NUP210: variants seen among roughly 807,000 people sequenced by gnomAD.
The protein encoded by NUP210 is nuclear pore membrane glycoprotein 210.
A neutral mutation model predicts 196.0 loss-of-function variants in NUP210; 151 were observed. The observed-to-expected ratio is 0.77, with a 90% CI of 0.67 to 0.88. NUP210 has a LOEUF of 0.88. Among genes scored for constraint, NUP210 ranks in the 40% least tolerant of loss-of-function variants. The pLI is 0.00. For synonymous variants in NUP210, 1,070 were observed against 1,052.7 expected, an observed-to-expected ratio of 1.02 and a Z score of -0.32; for missense variants, 2,314 against 2,493.7, an observed-to-expected ratio of 0.93 and a Z score of 1.53.
In NUP210 at chr3:13,328,925, T is replaced by G. The variant is rs1347089075; in HGVS notation, c.4132A>C (p.Arg1378=). 2 of 1,613,952 alleles carry G rather than the reference T, an allele frequency of 1.2e-6. No homozygotes were observed. The highest frequency in any genetic ancestry group is 1.7e-6 in the Non-Finnish European group (2 of 1,179,940). Residue 1378 remains arginine, a synonymous_variant, in exon 31 of 40, where the codon AGG becomes CGG. Coordinates refer to ENST00000254508, the MANE Select transcript of NUP210 (RefSeq NM_024923.4). ...TGCAGGACAGGGCTCATGGAAACCC[T>G]CAGGTAGGAAACAGGGGATACCTAA... ...AVKVSPVSYL[R]VSMSPVLHTQ...
At position 13,378,943 on chromosome 3, in the gene NUP210, G is replaced by A. The variant is rs1699014321; in HGVS notation, c.1014C>T (p.Ser338=). 6.2e-7 allele frequency: 1 copy of A among 1,613,990 alleles called. No homozygotes were observed. Among genetic ancestry groups the A allele is most frequent in the Admixed American group, 1.7e-5 (1 of 59,996 alleles). ...ATCCAGGTTCGACCACGTAGATAGTGCTGTTGGGTAACCTAGAAGCACCTT... is the reference window on the plus strand; with the variant it reads ...ATCCAGGTTCGACCACGTAGATAGTACTGTTGGGTAACCTAGAAGCACCTT... ...RMQGASRLPN[S]TIYVVEPGYL... Residue 338 remains serine, a synonymous_variant, in exon 8 of 40, where the codon AGC becomes AGT. Transcript: ENST00000254508.
chr3:13,378,804 G>A, intron 8 of NUP210, 108 bp downstream of exon 8: 1 of 828,762 alleles, frequency 1.2e-6, no homozygotes, highest in Non-Finnish European at 2.1e-6. Context: ...TGGCAGAGCT[G>A]GCCAGAGGGA....
chr3:13,419,897 G>A (rs1484499641), intron 1 of NUP210, among the ~76,000 whole-genome samples, 163 bp downstream of exon 1: 1 of 150,896 alleles, frequency 6.6e-6, no homozygotes, highest in Non-Finnish European at 1.5e-5. Flanking sequence ...AGCAGTGGTG[G>A]CGACCCACGC....
In NUP210 at chr3:13,350,477, C is replaced by CA. The variant is rs71973199; in HGVS notation, c.2835+1401dup. On this transcript the variant is annotated intron_variant, in intron 20 of 39. Transcript: ENST00000254508. The surrounding 1 kb of genome is among the most constrained non-coding windows in gnomAD (Gnocchi z 4.1). ...CAAAACAAAACAAAACAAAACAAAA[C>CA]AAAAAACAAAACAAAACAGGAAAAC... Among the ~76,000 whole-genome samples the CA allele has an allele frequency of 3.5e-5, 2 of 57,260 alleles. No individual in the cohort carries two copies. Among genetic ancestry groups the CA allele is most frequent in the Non-Finnish European group, 8.6e-5 (2 of 23,256 alleles). The allele number at this position is 57,260 out of a possible 152,430, so 37.6% of individuals were successfully genotyped here.
intron 20 of NUP210, chr3:13,351,666 CT>C (rs11292029): frequency 0.48 from 208,806 of 434,184 alleles, 38,127 homozygotes; most frequent in African/African-American, 0.61. Flanking sequence ...TTTGATTTTT[CT>C]TTTTTTTTTT....
intron 6 of NUP210, among the ~76,000 whole-genome samples, chr3:13,382,891 T>C (rs1392283228): frequency 1.3e-5 from 2 of 152,104 alleles, no homozygotes; most frequent in Non-Finnish European, 2.9e-5. Flanking sequence ...ATGCCTATTA[T>C]TCCAGCACTT....
chr3:13,363,308 G>A (rs1698428782), intron 14 of NUP210, among the ~76,000 whole-genome samples: 1 of 152,190 alleles, frequency 6.6e-6, no homozygotes, highest in Non-Finnish European at 1.5e-5. Context: ...TTGATCCCAT[G>A]CTCTTACCCA....
Position 13,319,057 on chromosome 3 carries a change from AG to A in NUP210, c.5563+14del. Reference sequence around the variant, plus strand: ...AGCAGCTCTGCCTGGTTGTGCCTGCAGGGGGGCTACTCACAGTGGGGGCTGT... The same window carrying A: ...AGCAGCTCTGCCTGGTTGTGCCTGCAGGGGGCTACTCACAGTGGGGGCTGT... On this transcript the variant is annotated intron_variant, in intron 39 of 39. Coordinates refer to ENST00000254508, the MANE Select transcript of NUP210 (RefSeq NM_024923.4). The A allele has an allele frequency of 6.3e-7, 1 of 1,591,932 alleles. No individual in the cohort carries two copies. Among genetic ancestry groups the A allele is most frequent in the Non-Finnish European group, 8.5e-7 (1 of 1,171,210 alleles).
At chr3:13,405,549 A>G (rs1276892807) in intron 1 of NUP210, among the ~76,000 whole-genome samples, 2 of 152,172 alleles carry the variant, frequency 1.3e-5, no homozygotes, top group African/African-American at 4.8e-5. Context: ...CCTATTGAAT[A>G]TATGCATATG....
chr3:13,335,674 C>T, intron 27 of NUP210, 62 bp from the exon 28 acceptor site: 4 of 1,562,842 alleles, frequency 2.6e-6, no homozygotes, highest in Non-Finnish European at 3.5e-6. Context: ...CTCAAAAAGG[C>T]AGAGCCGGAC....
chr3:13,329,730 A>G (rs911531031), intron 30 of NUP210, among the ~76,000 whole-genome samples: 2 of 152,208 alleles, frequency 1.3e-5, no homozygotes, highest in Non-Finnish European at 2.9e-5. Flanking sequence ...GGGTTCAGCA[A>G]GTGGTGATGA....
chr3:13,333,132 C>T (rs915694154), intron 28 of NUP210, among the ~76,000 whole-genome samples: 1 of 152,222 alleles, frequency 6.6e-6, no homozygotes, highest in Non-Finnish European at 1.5e-5. Context: ...AAATGATCAG[C>T]CTCATGAGGT....
chr3:13,339,901 C>T lies in NUP210; in HGVS notation c.3424G>A (p.Val1142Met), dbSNP rs769070249. ...AIGNGTVSGL[V>M]QAVDAETGKV... ...CCGGTCTCTGCATCCACTGCCTGCA[C>T]GAGCCCAGACACAGTGCCGTTCCCG... The change falls in exon 25 of 40, where the codon GTG becomes ATG. Residue 1142 changes from valine to methionine, a missense_variant. Val to Met is a conservative substitution (Grantham distance 21). Coordinates refer to ENST00000254508, the MANE Select transcript of NUP210 (RefSeq NM_024923.4). The T allele has an allele frequency of 3.7e-6, 6 of 1,613,870 alleles. No homozygotes were observed. The highest frequency in any genetic ancestry group is 5.1e-6 in the Non-Finnish European group (6 of 1,180,044).
intron 8 of NUP210, 76 bp downstream of exon 8, chr3:13,378,836 G>T: frequency 9.0e-7 from 1 of 1,108,000 alleles, no homozygotes; most frequent in Non-Finnish European, 1.4e-6. Context: ...TGGAGCTATT[G>T]CTTCTTTTCT....
rs771555818 is a variant in NUP210 at position 13,373,783 on chromosome 3, C to T, written c.1522G>A (p.Asp508Asn). 3.7e-6 allele frequency: 6 copies of T among 1,614,182 alleles called. No homozygotes were observed. Among genetic ancestry groups the T allele is most frequent in the South Asian group, 1.1e-5 (1 of 91,076 alleles). ...TVKGVMTTGS[D>N]IGFSVIQAHD... is the part of the protein sequence containing the mutation. Reference sequence around the variant, plus strand: ...GCCTGGATCACACTGAACCCGATGTCACTGCCTGTGGTCATCACGCCCTTG... The same window carrying T: ...GCCTGGATCACACTGAACCCGATGTTACTGCCTGTGGTCATCACGCCCTTG... The change falls in exon 12 of 40, where the codon GAC (aspartate) becomes AAC (asparagine). Residue 508 changes from aspartate to asparagine, a missense_variant. Physicochemically the swap from Asp to Asn is conservative, Grantham distance 23. Transcript: ENST00000254508.
rs575675526 is a variant in NUP210 at position 13,323,689 on chromosome 3, G to A, written c.4645-257C>T. On this transcript the variant is annotated intron_variant, in intron 33 of 39. Transcript: ENST00000254508. This position sits in a 1 kb window ranked among gnomAD's most constrained non-coding sequence, Gnocchi z 4.3. ...AGCAGCTGACTGGACGCTGAGCAGCGGGCCTGAATTCATTAATCGATCTGG... is the reference window on the plus strand; with the variant it reads ...AGCAGCTGACTGGACGCTGAGCAGCAGGCCTGAATTCATTAATCGATCTGG... Among the ~76,000 whole-genome samples the A allele has an allele frequency of 2.0e-5, 3 of 152,322 alleles. No individual in the cohort carries two copies. The highest frequency in any genetic ancestry group is 7.2e-5 in the African/African-American group (3 of 41,564).
At chr3:13,374,087 TCA>T (rs1698819742) in intron 11 of NUP210, among the ~76,000 whole-genome samples, 1 of 151,938 alleles carries the variant, frequency 6.6e-6, no homozygotes, top group Admixed American at 6.6e-5. Context: ...ACACTCATGC[TCA>T]CTTACCACTC....
chr3:13,396,137 G>A (rs1412447729), intron 3 of NUP210, among the ~76,000 whole-genome samples: 1 of 152,142 alleles, frequency 6.6e-6, no homozygotes, highest in African/African-American at 2.4e-5. Flanking sequence ...GGCCATGTCT[G>A]GGCCATTTTT....
At chr3:13,362,182 TTA>T (rs1300014655) in intron 14 of NUP210, among the ~76,000 whole-genome samples, 1 of 152,020 alleles carries the variant, frequency 6.6e-6, no homozygotes, top group Admixed American at 6.6e-5. Flanking sequence ...AGGAAAAACC[TTA>T]TAAGAAAAAT....
Sources: allele counts gnomAD v4.1 joint callset (sites outside exome capture counted in the v4.1 genomes callset), GRCh38; gene constraint gnomAD v4.1.1; non-coding constraint Gnocchi (gnomAD v3.1); transcripts MANE v1.5; gene names NCBI Gene and HGNC (gene_info 2026-07-23, HGNC 2026-07-21).